The following NDUFAF2 variants were observed in gnomAD, a reference collection of about 807,000 sequenced individuals.
The protein encoded by NDUFAF2 is NADH:ubiquinone oxidoreductase complex assembly factor 2, also known as NADH dehydrogenase [ubiquinone] 1 alpha subcomplex assembly factor 2.
NDUFAF2 carries 13 observed loss-of-function variants against 22.8 expected under a neutral mutation model. The ratio of observed to expected loss-of-function variants is 0.57; its 90% confidence interval spans 0.37 to 0.91. The LOEUF (loss-of-function observed/expected upper bound fraction) is 0.91, where lower values mean the gene tolerates loss of function less well. Among genes scored for constraint, NDUFAF2 ranks in the 40% least tolerant of loss-of-function variants. The pLI, the probability that NDUFAF2 is intolerant of heterozygous loss-of-function variation, is 0.01. For missense variants in NDUFAF2, 162 were observed against 195.2 expected, an observed-to-expected ratio of 0.83 and a Z score of 1.01; for synonymous variants, 53 against 64.2, an observed-to-expected ratio of 0.83 and a Z score of 0.84.
intron 1 of NDUFAF2, among the ~76,000 whole-genome samples, chr5:61,004,923 T>TTTTA (rs945341614): frequency 1.4e-5 from 2 of 144,000 alleles, no homozygotes; most frequent in Non-Finnish European, 3.1e-5. Flanking sequence ...ATTTATTCTT[T>TTTTA]TTTATTTATT....
At chr5:61,023,248 G>T (rs937703686) in intron 1 of NDUFAF2, among the ~76,000 whole-genome samples, 2 of 151,510 alleles carry the variant, frequency 1.3e-5, no homozygotes, top group East Asian at 1.9e-4. Flanking sequence ...TTTCTCTTTG[G>T]TTCTTTTAAA....
At chr5:61,028,914 A>G (rs938630619) in intron 1 of NDUFAF2, among the ~76,000 whole-genome samples, 6 of 152,064 alleles carry the variant, frequency 3.9e-5, no homozygotes, top group African/African-American at 1.4e-4. Context: ...TCCATCTGTC[A>G]TCTATCTTCC....
chr5:61,130,803 T>C (rs551873915), intron 3 of NDUFAF2, among the ~76,000 whole-genome samples: 1 of 152,244 alleles, frequency 6.6e-6, no homozygotes, highest in East Asian at 1.9e-4. Context: ...GTTGGAGATA[T>C]AGAGGAGAAT....
At chr5:61,103,269 T>G (rs1752725001) in intron 3 of NDUFAF2, among the ~76,000 whole-genome samples, 1 of 152,096 alleles carries the variant, frequency 6.6e-6, no homozygotes, top group African/African-American at 2.4e-5. Context: ...TACCCTACTC[T>G]TCAAGGAACT....
chr5:61,067,444 A>G lies in NDUFAF2; in HGVS notation c.128-5681A>G, dbSNP rs568888583. ...TTGTCCTTGCGATAGTTTGCTGAGA[A>G]TGATGGTTTCCAGCTTCATCCATGT... On this transcript the variant is annotated intron_variant, in intron 1 of 3. Transcript: ENST00000296597. Among the ~76,000 whole-genome samples, 8 of 152,068 alleles carry G rather than the reference A, an allele frequency of 5.3e-5. No homozygotes were observed. The South Asian group carries it at 1.7e-3, about 32-fold the overall frequency.
At chr5:61,128,987 A>G (rs746952123) in intron 3 of NDUFAF2, among the ~76,000 whole-genome samples, 2 of 152,266 alleles carry the variant, frequency 1.3e-5, no homozygotes, top group African/African-American at 2.4e-5. Flanking sequence ...TGGGCAAAGT[A>G]TATGAACAGA....
At chr5:61,118,219 C>T (rs377579792) in intron 3 of NDUFAF2, among the ~76,000 whole-genome samples, 18 of 152,080 alleles carry the variant, frequency 1.2e-4, no homozygotes, top group Non-Finnish European at 2.2e-4. Flanking sequence ...AAAAATCTCC[C>T]GGGCACCACA....
intron 1 of NDUFAF2, among the ~76,000 whole-genome samples, chr5:61,047,826 A>T (rs1751972358): frequency 6.6e-6 from 1 of 152,154 alleles, no homozygotes; most frequent in Admixed American, 6.6e-5. Context: ...TATTTTGGTG[A>T]TGCTGTATGT....
intron 1 of NDUFAF2, among the ~76,000 whole-genome samples, chr5:61,041,787 A>T (rs1445544870): frequency 6.6e-6 from 1 of 152,140 alleles, no homozygotes; most frequent in Non-Finnish European, 1.5e-5. Flanking sequence ...TTTTTCCCAG[A>T]TATTTGTTCA....
intron 3 of NDUFAF2, chr5:61,114,337 T>A (rs1042959668): frequency 6.6e-6 from 1 of 152,218 alleles, no homozygotes; most frequent in South Asian, 2.1e-4. Context: ...TTCTTCAGTA[T>A]GTCAATTGCA....
At chr5:61,009,111 A>T (rs1479217435) in intron 1 of NDUFAF2, among the ~76,000 whole-genome samples, 3 of 152,076 alleles carry the variant, frequency 2.0e-5, no homozygotes, top group African/African-American at 7.2e-5. Flanking sequence ...TTTTTTAAAA[A>T]ATTGAAAATC....
At chr5:60,993,482 G>T (rs540702464) in intron 1 of NDUFAF2, among the ~76,000 whole-genome samples, 2 of 152,322 alleles carry the variant, frequency 1.3e-5, no homozygotes, top group South Asian at 4.1e-4. Context: ...GAGGTATGTG[G>T]ACAAGTGGAG....
intron 2 of NDUFAF2, among the ~76,000 whole-genome samples, chr5:61,087,773 G>C (rs1752521538): frequency 6.6e-6 from 1 of 152,092 alleles, no homozygotes; most frequent in South Asian, 2.1e-4. Flanking sequence ...CAACAAGTGA[G>C]AGGATAAACA....
At chr5:61,096,597 CAAAAAAA>C (rs35508356) in intron 2 of NDUFAF2, among the ~76,000 whole-genome samples, 9 of 95,296 alleles carry the variant, frequency 9.4e-5, no homozygotes, top group African/African-American at 1.7e-4. Context: ...GACACCATTG[CAAAAAAA>C]AAAAAAAAAA....
chr5:61,006,966 A>T (rs972355769), intron 1 of NDUFAF2, among the ~76,000 whole-genome samples: 1 of 151,668 alleles, frequency 6.6e-6, no homozygotes, highest in African/African-American at 2.4e-5. Flanking sequence ...TAAAGAACGG[A>T]TTTTTTTTCT....
At chr5:60,965,844 T>A (rs1057496608) in intron 1 of NDUFAF2, among the ~76,000 whole-genome samples, 1 of 152,214 alleles carries the variant, frequency 6.6e-6, no homozygotes, top group African/African-American at 2.4e-5. Flanking sequence ...TGCAGATATC[T>A]CTTTGGCATA....
chr5:61,034,175 C>G (rs886165210), intron 1 of NDUFAF2, among the ~76,000 whole-genome samples: 10 of 152,218 alleles, frequency 6.6e-5, no homozygotes, highest in African/African-American at 2.2e-4. Context: ...ATGGAAAGAT[C>G]TTTTTGTAAA....
chr5:61,024,208 G>A (rs1751622755), intron 1 of NDUFAF2, among the ~76,000 whole-genome samples: 1 of 151,866 alleles, frequency 6.6e-6, no homozygotes, highest in Admixed American at 6.6e-5. Flanking sequence ...CTATTTTAAG[G>A]ATATTGGTTG....
chr5:61,091,216 C>T (rs1033062934), intron 2 of NDUFAF2, among the ~76,000 whole-genome samples: 2 of 152,096 alleles, frequency 1.3e-5, no homozygotes, highest in African/African-American at 2.4e-5. Context: ...AATGGGATTG[C>T]TAGGTCAAAT....
Sources: allele counts gnomAD v4.1 joint callset (sites outside exome capture counted in the v4.1 genomes callset), GRCh38; gene constraint gnomAD v4.1.1; transcripts MANE v1.5; gene names NCBI Gene and HGNC (gene_info 2026-07-23, HGNC 2026-07-21).